Variants in FBXL2 observed in about 807,000 individuals in gnomAD.
FBXL2 encodes F-box/LRR-repeat protein 2.
FBXL2 carries 38 observed loss-of-function variants against 69.2 expected under a neutral mutation model. That is an observed-to-expected ratio of 0.55 (90% CI 0.42 to 0.72). The LOEUF is 0.72. Ranked by LOEUF, FBXL2 falls within the 30% of genes least tolerant of loss-of-function variation. The pLI is 0.00. For synonymous variants in FBXL2, 192 were observed against 201.3 expected, an observed-to-expected ratio of 0.95 and a Z score of 0.39; for missense variants, 354 against 520.3, an observed-to-expected ratio of 0.68 and a Z score of 3.11.
In FBXL2 at chr3:33,315,447, T is replaced by TAA. The variant is rs199821045; in HGVS notation, c.65+17734_65+17735dup. On this transcript the variant is annotated intron_variant, in intron 2 of 14. Transcript: ENST00000484457. The stretch of plus-strand genomic sequence containing the variant: ...TGTATTATCAATGCAAATGTCAGTT[T>TAA]AAAAAAAAAAAAAGATGTGCTTTTT... 5.6e-5 allele frequency among the ~76,000 whole-genome samples: 8 copies of TAA among 143,700 alleles called. No homozygotes were observed. In the South Asian group the frequency reaches 6.7e-4, roughly 12 times the overall value. The allele number at this position is 143,700 out of a possible 152,430, so 94.3% of individuals were successfully genotyped here.
intron 7 of FBXL2, 45 bp from the exon 8 acceptor site, chr3:33,373,533 C>G (rs751069982): frequency 1.2e-6 from 2 of 1,613,646 alleles, no homozygotes; most frequent in Admixed American, 1.7e-5. Context: ...CATTAACTCT[C>G]TACAGGAGAG....
chr3:33,314,848 T>G (rs1309559318), intron 2 of FBXL2, among the ~76,000 whole-genome samples: 1 of 152,224 alleles, frequency 6.6e-6, no homozygotes, highest in Admixed American at 6.5e-5. Context: ...TTGAATTTTA[T>G]TATTGGTATA....
the FBXL2 span, among the ~76,000 whole-genome samples, chr3:33,419,878 T>C: frequency 2.0e-5 from 3 of 152,230 alleles, no homozygotes; most frequent in Non-Finnish European, 4.4e-5. Flanking sequence ...AAAGTTAATA[T>C]AGTCCAACAG....
chr3:33,337,789 A>T (rs1255757247), intron 2 of FBXL2, among the ~76,000 whole-genome samples: 1 of 152,222 alleles, frequency 6.6e-6, no homozygotes, highest in African/African-American at 2.4e-5. Context: ...AACTTAATGT[A>T]CAAAAGTCAG....
chr3:33,334,283 ATG>A (rs1377196898), intron 2 of FBXL2, among the ~76,000 whole-genome samples: 1 of 152,206 alleles, frequency 6.6e-6, no homozygotes, highest in African/African-American at 2.4e-5. Flanking sequence ...TGTGACAAAT[ATG>A]TTAAATAATT....
chr3:33,390,626 G>T, downstream of FBXL2: 1 of 532,814 alleles, frequency 1.9e-6, no homozygotes. Flanking sequence ...GCCAGTTCTG[G>T]GGGTAGGGGG....
chr3:33,360,806 T>C (rs1168174507), intron 4 of FBXL2, among the ~76,000 whole-genome samples: 2 of 152,252 alleles, frequency 1.3e-5, no homozygotes, highest in South Asian at 2.1e-4. Flanking sequence ...AGTAGAGTTA[T>C]TGTTTTGAAA....
chr3:33,343,408 C>G (rs945137705), intron 2 of FBXL2, among the ~76,000 whole-genome samples: 9 of 151,698 alleles, frequency 5.9e-5, no homozygotes, highest in Non-Finnish European at 1.3e-4. Flanking sequence ...TGAAGTTTCT[C>G]CAAATTTAGA....
At chr3:33,317,087 C>T (rs1298965080) in intron 2 of FBXL2, among the ~76,000 whole-genome samples, 1 of 151,932 alleles carries the variant, frequency 6.6e-6, no homozygotes, top group Non-Finnish European at 1.5e-5. Context: ...ATTTGTACAG[C>T]AGGTCTCACT....
At chr3:33,305,700 AATT>A (rs2036653906) in intron 2 of FBXL2, among the ~76,000 whole-genome samples, 1 of 151,992 alleles carries the variant, frequency 6.6e-6, no homozygotes, top group Non-Finnish European at 1.5e-5. Context: ...TTGGGAAATT[AATT>A]ATTACTTTAA....
intron 12 of FBXL2, chr3:33,393,243 A>C (rs949884049): frequency 1.4e-5 from 20 of 1,427,998 alleles, no homozygotes; most frequent in Non-Finnish European, 1.8e-5. Flanking sequence ...GAATTTTTCT[A>C]CAGTTCTACA....
chr3:33,389,390 A>C (rs2043662169), downstream of FBXL2: 1 of 151,026 alleles, frequency 6.6e-6, no homozygotes, highest in South Asian at 2.1e-4. Context: ...AGCTATCAAC[A>C]ATAATACTTT....
At chr3:33,322,522 G>C (rs2038324217) in intron 2 of FBXL2, among the ~76,000 whole-genome samples, 1 of 152,022 alleles carries the variant, frequency 6.6e-6, no homozygotes, top group Non-Finnish European at 1.5e-5. Context: ...ATAAATCTTA[G>C]TCTTCTAATG....
intron 2 of FBXL2, among the ~76,000 whole-genome samples, chr3:33,335,588 T>G (rs2039513321): frequency 6.6e-6 from 1 of 152,196 alleles, no homozygotes; most frequent in South Asian, 2.1e-4. Context: ...GAAAATACAC[T>G]GTTATTCTGG....
intron 1 of FBXL2, among the ~76,000 whole-genome samples, chr3:33,288,626 C>T (rs973270100): frequency 2.6e-5 from 4 of 152,068 alleles, no homozygotes; most frequent in Non-Finnish European, 4.4e-5. Context: ...TCAAAGGTGC[C>T]GAGGCAAGAA....
downstream of FBXL2, among the ~76,000 whole-genome samples, chr3:33,407,538 G>A (rs1486535817): frequency 4.9e-5 from 7 of 141,676 alleles, no homozygotes; most frequent in South Asian, 2.3e-4. Context: ...TCTTTGATTC[G>A]AATTTATTTA....
At chr3:33,364,576 GC>G in intron 4 of FBXL2, 48 bp from the exon 5 acceptor site, 3 of 1,435,846 alleles carry the variant, frequency 2.1e-6, no homozygotes, top group Non-Finnish European at 2.9e-6. Flanking sequence ...TGTTAGATAA[GC>G]AGCATGAAAA....
At chr3:33,375,884 T>C (rs2042602067) in intron 10 of FBXL2, among the ~76,000 whole-genome samples, 1 of 152,276 alleles carries the variant, frequency 6.6e-6, no homozygotes, top group East Asian at 1.9e-4. Context: ...AGGCCAGGCA[T>C]GGTGGCTCAT....
intron 2 of FBXL2, chr3:33,317,676 A>AT: frequency 5.8e-6 from 2 of 347,796 alleles, no homozygotes; most frequent in Non-Finnish European, 1.1e-5. Context: ...CTCCCTTACC[A>AT]TTGGTCTTGG....
Sources: allele counts gnomAD v4.1 joint callset (sites outside exome capture counted in the v4.1 genomes callset), GRCh38; gene constraint gnomAD v4.1.1; transcripts MANE v1.5; gene names NCBI Gene and HGNC (gene_info 2026-07-23, HGNC 2026-07-21).